The following RSRP1 variants were observed in gnomAD, a reference collection of about 807,000 sequenced individuals.
The protein encoded by RSRP1 is arginine and serine rich protein 1.
A neutral mutation model predicts 33.0 loss-of-function variants in RSRP1; 37 were observed. The ratio of observed to expected loss-of-function variants is 1.12; its 90% CI spans 0.86 to 1.48. RSRP1 has a LOEUF of 1.48. Ranked by LOEUF, RSRP1 falls within the 40% of genes most tolerant of loss-of-function variation. The pLI is 0.00. For synonymous variants in RSRP1, 167 were observed against 158.7 expected, an observed-to-expected ratio of 1.05 and a Z score of -0.40; for missense variants, 402 against 385.3, an observed-to-expected ratio of 1.04 and a Z score of -0.36.
At chr1:25,251,268 CTA>C (rs1157430216), upstream of RSRP1, among the ~76,000 whole-genome samples, 2 of 152,138 alleles carry the variant, frequency 1.3e-5, no homozygotes. Context: ...ACCTATAGAA[CTA>C]TGAGATATTA....
rs777331088 is a variant in RSRP1 at position 25,246,714 on chromosome 1, TCCGCGAGTATGA to T, written c.238_249del (p.Tyr81_Ser84del). 1.1e-5 allele frequency: 18 copies of T among 1,607,338 alleles called. No individual in the cohort carries two copies. The Middle Eastern group carries it at 6.6e-4, about 59-fold the overall frequency. ...CGGCGGCTGCGGGATCGCGACCGGC[TCCGCGAGTATGA>T]CCGCGAGTAGCGCCTGTACTTCCGC... is the stretch of plus-strand genomic sequence containing the variant. On this transcript the variant is annotated inframe_deletion, in exon 2 of 5. Coordinates refer to ENST00000243189, the MANE Select transcript of RSRP1 (RefSeq NM_020317.5).
intron 1 of RSRP1, among the ~76,000 whole-genome samples, chr1:25,269,934 A>G (rs1407218033): frequency 7.6e-6 from 1 of 131,860 alleles, no homozygotes; most frequent in African/African-American, 2.6e-5. Context: ...AAACATGCCC[A>G]TCAGGTCCGG....
intron 1 of RSRP1, among the ~76,000 whole-genome samples, chr1:25,252,499 T>G (rs946010485): frequency 3.3e-5 from 5 of 151,400 alleles, no homozygotes; most frequent in African/African-American, 4.9e-5. Flanking sequence ...AGGAGAGGTC[T>G]CGTGGAGCTT....
At chr1:25,258,133 C>T (rs907936694) in intron 1 of RSRP1, among the ~76,000 whole-genome samples, 47 of 152,122 alleles carry the variant, frequency 3.1e-4, no homozygotes, top group Admixed American at 1.1e-3. Context: ...ATATGCTTTG[C>T]TTAAACAAAT....
chr1:25,280,863 G>T (rs1641436505), intron 1 of RSRP1, among the ~76,000 whole-genome samples: 1 of 131,268 alleles, frequency 7.6e-6, no homozygotes, highest in Non-Finnish European at 1.8e-5. Flanking sequence ...CTCCCTCCTT[G>T]GCCTCCCAAA....
intron 1 of RSRP1, among the ~76,000 whole-genome samples, chr1:25,321,498 T>TA (rs1214598540): frequency 0.034 from 2,587 of 76,296 alleles, 250 homozygotes; most frequent in Non-Finnish European, 0.041. Flanking sequence ...CCATCTCTAC[T>TA]AAAAAAAAAA....
chr1:25,310,377 T>C (rs147325051), intron 1 of RSRP1, among the ~76,000 whole-genome samples: 5,846 of 124,770 alleles, frequency 0.047, 143 homozygotes, highest in African/African-American at 0.17. Flanking sequence ...GCCCTCTCAC[T>C]GTGTGATGAC....
intron 1 of RSRP1, among the ~76,000 whole-genome samples, chr1:25,254,923 C>T (rs1048429933): frequency 5.9e-5 from 9 of 152,174 alleles, no homozygotes; most frequent in African/African-American, 2.2e-4. Flanking sequence ...GAGAATGAGA[C>T]AGTCACGTCC....
At chr1:25,258,088 G>A (rs993147062) in intron 1 of RSRP1, among the ~76,000 whole-genome samples, 1 of 152,188 alleles carries the variant, frequency 6.6e-6, no homozygotes, top group Admixed American at 6.5e-5. Context: ...TCCAGGATGT[G>A]GGGGCAGAGT....
intron 3 of RSRP1, 43 bp downstream of exon 3, chr1:25,245,107 T>G (rs1255069285): frequency 6.2e-7 from 1 of 1,613,948 alleles, no homozygotes; most frequent in Non-Finnish European, 8.5e-7. Context: ...ATTTGACAGT[T>G]GGCTTTCTGA....
chr1:25,285,854 C>T (rs780160583), intron 1 of RSRP1, among the ~76,000 whole-genome samples: 2 of 134,754 alleles, frequency 1.5e-5, no homozygotes, highest in African/African-American at 2.6e-5. Flanking sequence ...TCTTAGGGAC[C>T]TCTCAAGGCC....
chr1:25,303,842 A>G (rs536207280), intron 1 of RSRP1, among the ~76,000 whole-genome samples: 1 of 126,946 alleles, frequency 7.9e-6, no homozygotes, highest in East Asian at 2.0e-4. Flanking sequence ...CTTTCACCCC[A>G]CATTGTGGGG....
chr1:25,262,282 C>CCAATA (rs1640181952), intron 1 of RSRP1, among the ~76,000 whole-genome samples: 1 of 152,170 alleles, frequency 6.6e-6, no homozygotes, highest in Non-Finnish European at 1.5e-5. Context: ...TTGTAATTCA[C>CCAATA]TTATTTAACC....
chr1:25,311,678 T>C (rs1644156794), intron 1 of RSRP1, among the ~76,000 whole-genome samples: 1 of 129,640 alleles, frequency 7.7e-6, no homozygotes, highest in African/African-American at 2.7e-5. Context: ...GAGGGCAGAA[T>C]GGTTTGGAAT....
intron 1 of RSRP1, among the ~76,000 whole-genome samples, chr1:25,275,344 C>G (rs1241606062): frequency 1.5e-5 from 2 of 132,046 alleles, no homozygotes; most frequent in African/African-American, 2.6e-5. Flanking sequence ...GGCAGACTCA[C>G]TGGGCTGCAT....
intron 1 of RSRP1, chr1:25,267,813 G>T: frequency 7.6e-6 from 1 of 130,860 alleles, no homozygotes; most frequent in Non-Finnish European, 1.8e-5. Flanking sequence ...AACTTCTCAC[G>T]CCTACTCTCA....
At chr1:25,321,410 T>C (rs1249641018) in intron 1 of RSRP1, among the ~76,000 whole-genome samples, 1 of 120,874 alleles carries the variant, frequency 8.3e-6, no homozygotes, top group African/African-American at 2.8e-5. Context: ...CCTGTAATAC[T>C]AGCACTTTGG....
At chr1:25,262,761 G>T (rs2124564420) in intron 1 of RSRP1, among the ~76,000 whole-genome samples, 1 of 152,328 alleles carries the variant, frequency 6.6e-6, no homozygotes, top group Non-Finnish European at 1.5e-5. Context: ...AAATCCAAGG[G>T]CAGGAATGGA....
At chr1:25,281,890 T>C (rs373174183) in intron 1 of RSRP1, among the ~76,000 whole-genome samples, 5 of 132,740 alleles carry the variant, frequency 3.8e-5, no homozygotes, top group South Asian at 2.3e-4. Flanking sequence ...GGTATGTGTA[T>C]GTTTCAATGG....
Sources: gnomAD v4.1 joint callset for allele counts (sites outside exome capture counted in the v4.1 genomes callset) on GRCh38, gnomAD v4.1.1 for gene constraint, MANE v1.5 for transcripts, NCBI Gene and HGNC (gene_info 2026-07-23, HGNC 2026-07-21) for gene names.